OXR1: variants seen among roughly 807,000 people sequenced by gnomAD.
The protein encoded by OXR1 is oxidation resistance protein 1.
Under a neutral mutation model 104.6 loss-of-function variants are expected in OXR1, and 41 were observed. The observed-to-expected ratio is 0.39, with a 90% CI of 0.31 to 0.51. The LOEUF (loss-of-function observed/expected upper bound fraction) is 0.51. Ranked by LOEUF, OXR1 falls within the 20% of genes least tolerant of loss-of-function variation. The pLI is 0.77. For missense variants in OXR1, 955 were observed against 1,031.9 expected (o/e 0.93, Z 1.02); for synonymous variants, 348 against 348.4 (o/e 1.00, Z 0.01).
intron 2 of OXR1, among the ~76,000 whole-genome samples, chr8:106,373,453 A>G (rs1816788346): frequency 6.6e-6 from 1 of 152,228 alleles, no homozygotes; most frequent in East Asian, 1.9e-4. Flanking sequence ...CTAACATGTT[A>G]TGGAGAGAAT....
chr8:106,589,133 G>A (rs1328624685), intron 3 of OXR1, among the ~76,000 whole-genome samples: 1 of 152,210 alleles, frequency 6.6e-6, no homozygotes, highest in African/African-American at 2.4e-5. Context: ...GCATGCAGGG[G>A]AGAGAGCGAG....
chr8:106,630,292 G>C (rs1315892477), intron 3 of OXR1, among the ~76,000 whole-genome samples: 1 of 152,138 alleles, frequency 6.6e-6, no homozygotes, highest in Non-Finnish European at 1.5e-5. Flanking sequence ...GAATGACATA[G>C]GTGTAAATAG....
chr8:106,504,139 TCGTTGGG>T (rs2129973014), intron 2 of OXR1, among the ~76,000 whole-genome samples: 2 of 152,336 alleles, frequency 1.3e-5, no homozygotes, highest in South Asian at 4.1e-4. Context: ...ACCTGTTCCC[TCGTTGGG>T]CTAATGTTGC....
intron 1 of OXR1, among the ~76,000 whole-genome samples, chr8:106,304,628 A>C (rs765092518): frequency 2.0e-5 from 3 of 152,186 alleles, no homozygotes; most frequent in African/African-American, 4.8e-5. Context: ...ATTTGTAAGG[A>C]ATACAAAAAA....
At chr8:106,425,312 C>A (rs576596945) in intron 2 of OXR1, among the ~76,000 whole-genome samples, 1 of 151,914 alleles carries the variant, frequency 6.6e-6, no homozygotes, top group Non-Finnish European at 1.5e-5. Flanking sequence ...TGTTCTCCCT[C>A]CTTAGCCTCC....
intron 1 of OXR1, among the ~76,000 whole-genome samples, chr8:106,339,913 A>G (rs1815170542): frequency 6.6e-6 from 1 of 152,182 alleles, no homozygotes; most frequent in Non-Finnish European, 1.5e-5. Context: ...TGTAGTAAGC[A>G]ATATAAATAT....
intron 3 of OXR1, among the ~76,000 whole-genome samples, chr8:106,581,761 C>T (rs1818239503): frequency 6.6e-6 from 1 of 152,020 alleles, no homozygotes; most frequent in African/African-American, 2.4e-5. Context: ...CAATGGCTCA[C>T]ACCTATAATC....
chr8:106,477,710 T>C (rs1821883754), intron 2 of OXR1, among the ~76,000 whole-genome samples: 1 of 151,968 alleles, frequency 6.6e-6, no homozygotes, highest in Non-Finnish European at 1.5e-5. Flanking sequence ...TTCCAGTACA[T>C]TTATTTTTTA....
chr8:106,625,002 AGATGGTATCGAAT>A (rs1822033149), intron 3 of OXR1, among the ~76,000 whole-genome samples: 1 of 152,052 alleles, frequency 6.6e-6, no homozygotes, highest in Non-Finnish European at 1.5e-5. Flanking sequence ...ACATTGCCCA[AGATGGTATCGAAT>A]TCCTGGGCTC....
intron 1 of OXR1, 71 bp from the exon 2 acceptor site, chr8:106,359,405 G>A (rs1586563861): frequency 3.8e-6 from 2 of 522,766 alleles, no homozygotes; most frequent in East Asian, 5.8e-5. Context: ...CATTGATTTG[G>A]ATGAAATAAA....
chr8:106,347,737 T>C (rs554587637), intron 1 of OXR1, among the ~76,000 whole-genome samples: 1 of 152,346 alleles, frequency 6.6e-6, no homozygotes, highest in African/African-American at 2.4e-5. Context: ...TTTATGTGAC[T>C]ATTACTATAT....
intron 3 of OXR1, among the ~76,000 whole-genome samples, chr8:106,601,590 T>C (rs1395935602): frequency 6.6e-6 from 1 of 152,222 alleles, no homozygotes; most frequent in Non-Finnish European, 1.5e-5. Context: ...CGTCTCCTAA[T>C]ATTATCCTAT....
At chr8:106,723,088 G>T (rs1165680590) in intron 11 of OXR1, among the ~76,000 whole-genome samples, 1 of 152,204 alleles carries the variant, frequency 6.6e-6, no homozygotes, top group South Asian at 2.1e-4. Context: ...AGGCGTGGTG[G>T]CTCACACCTG....
chr8:106,455,698 G>A (rs1012370586), intron 2 of OXR1, among the ~76,000 whole-genome samples: 7 of 152,194 alleles, frequency 4.6e-5, no homozygotes, highest in Non-Finnish European at 8.8e-5. Flanking sequence ...GGGCAGAAAT[G>A]CAGTTACCTG....
At chr8:106,280,517 T>C (rs1812235885) in intron 1 of OXR1, among the ~76,000 whole-genome samples, 1 of 152,158 alleles carries the variant, frequency 6.6e-6, no homozygotes, top group South Asian at 2.1e-4. Flanking sequence ...TTCTCTTCTG[T>C]GTCTCTGACT....
At chr8:106,623,874 T>G (rs1821930568) in intron 3 of OXR1, among the ~76,000 whole-genome samples, 2 of 152,228 alleles carry the variant, frequency 1.3e-5, no homozygotes, top group Admixed American at 1.3e-4. Context: ...ATGCATCATG[T>G]GAGAAAATTG....
chr8:106,365,753 AAG>A (rs1227662831), intron 2 of OXR1, among the ~76,000 whole-genome samples: 1 of 152,206 alleles, frequency 6.6e-6, no homozygotes, highest in Non-Finnish European at 1.5e-5. Context: ...AGACATTTAT[AAG>A]AGACTTGGAT....
intron 1 of OXR1, among the ~76,000 whole-genome samples, chr8:106,312,730 C>A (rs1216412915): frequency 6.6e-6 from 1 of 152,078 alleles, no homozygotes; most frequent in African/African-American, 2.4e-5. Context: ...TTTTTGAAAG[C>A]CATTTATAAA....
At chr8:106,274,347 A>G (rs1811940215) in intron 1 of OXR1, among the ~76,000 whole-genome samples, 1 of 152,236 alleles carries the variant, frequency 6.6e-6, no homozygotes, top group Non-Finnish European at 1.5e-5. Flanking sequence ...AAGCCTTGTC[A>G]TTAGCACAAT....
Sources: allele counts gnomAD v4.1 joint callset (sites outside exome capture counted in the v4.1 genomes callset), GRCh38; gene constraint gnomAD v4.1.1; transcripts MANE v1.5; gene names NCBI Gene and HGNC (gene_info 2026-07-23, HGNC 2026-07-21).